Variants in GABRB2 observed in about 807,000 individuals in gnomAD.
GABRB2 encodes gamma-aminobutyric acid type A receptor subunit beta2.
GABRB2 carries 16 observed loss-of-function variants against 54.7 expected under a neutral mutation model. That is an observed-to-expected ratio of 0.29 (90% CI 0.20 to 0.44). The LOEUF is 0.44. Among genes scored for constraint, GABRB2 ranks in the 20% least tolerant of loss-of-function variants. The probability of loss-of-function intolerance (pLI) is 1.00; values close to 1 mark genes in which losing one functional copy is unlikely to be tolerated. For missense variants in GABRB2, 355 were observed against 644.0 expected, an observed-to-expected ratio of 0.55 and a Z score of 4.86; for synonymous variants, 244 against 233.8, an observed-to-expected ratio of 1.04 and a Z score of -0.40.
In GABRB2 at chr5:161,546,665, T is replaced by A; in HGVS notation, c.-22A>T. ...ACATCCCTTTAGTTTTTGATGGAAT[T>A]GAGGGTTTCACTGAAGAGAGGAGAT... On this transcript the variant is annotated 5_prime_UTR_variant, in exon 1 of 10. Transcript: ENST00000393959. 1 of 1,575,678 alleles carries A rather than the reference T, an allele frequency of 6.3e-7. No individual in the cohort carries two copies.
At chr5:161,323,027 C>CTT (rs397882556) in intron 9 of GABRB2, among the ~76,000 whole-genome samples, 42 of 140,954 alleles carry the variant, frequency 3.0e-4, no homozygotes, top group African/African-American at 4.7e-4. Context: ...TTGAAATATA[C>CTT]TTTTTTTTTT....
At chr5:161,353,956 TC>T (rs1754543727) in intron 5 of GABRB2, among the ~76,000 whole-genome samples, 1 of 152,054 alleles carries the variant, frequency 6.6e-6, no homozygotes. Context: ...GGGGCAGTTT[TC>T]CCCAAACTAC....
At chr5:161,417,424 A>C (rs983333244) in intron 4 of GABRB2, among the ~76,000 whole-genome samples, 22 of 152,212 alleles carry the variant, frequency 1.4e-4, no homozygotes, top group Non-Finnish European at 3.2e-4. Flanking sequence ...CAAGAGTCAC[A>C]CGGTGAGTGG....
intron 4 of GABRB2, among the ~76,000 whole-genome samples, chr5:161,417,371 T>G (rs1756708540): frequency 6.6e-6 from 1 of 152,208 alleles, no homozygotes; most frequent in African/African-American, 2.4e-5. Context: ...TCCCATTTTA[T>G]ACATGAGAAA....
intron 5 of GABRB2, among the ~76,000 whole-genome samples, chr5:161,347,510 A>G (rs1438689198): frequency 6.6e-6 from 1 of 152,040 alleles, no homozygotes; most frequent in Admixed American, 6.6e-5. Context: ...TGCCCTTGCT[A>G]CTTGCTTTAA....
chr5:161,516,292 G>A (rs1039001189), intron 3 of GABRB2, among the ~76,000 whole-genome samples: 3 of 152,114 alleles, frequency 2.0e-5, no homozygotes, highest in African/African-American at 7.2e-5. Flanking sequence ...ACTATGCTAA[G>A]GGCTTTATAT....
Position 161,290,853 on chromosome 5 carries a change from T to A in GABRB2, c.*3228A>T, listed in dbSNP as rs1370181779. Reference sequence around the variant, plus strand: ...TACGCATTCCACTGCTCTTTCTTTATGTGTTGTGCTTTTGTAAGCTGACAG... The same window carrying A: ...TACGCATTCCACTGCTCTTTCTTTAAGTGTTGTGCTTTTGTAAGCTGACAG... On this transcript the variant is annotated 3_prime_UTR_variant, in exon 10 of 10. Coordinates refer to ENST00000393959, the MANE Select transcript of GABRB2 (RefSeq NM_001371727.1). The A allele has an allele frequency of 6.6e-6, 1 of 152,606 alleles. No individual in the cohort carries two copies. The highest frequency in any genetic ancestry group is 1.5e-5 in the Non-Finnish European group (1 of 68,002). 9.5% of individuals were successfully genotyped at this position (152,606 alleles called of 1,614,324 possible).
rs76218525 is a variant in GABRB2 at position 161,470,960 on chromosome 5, C to T, written c.238-11116G>A. On this transcript the variant is annotated intron_variant, in intron 3 of 9. Transcript: ENST00000393959. ...CACTAAAGCTTGTTCATGCTTCCTG[C>T]ATGGGTTTTAAATGTTGATTTTAAA... 7.2e-4 allele frequency among the ~76,000 whole-genome samples: 109 copies of T among 152,122 alleles called. 2 individuals are homozygous for T. In the East Asian group the frequency reaches 0.016, roughly 22 times the overall value.
chr5:161,327,078 AC>A, intron 8 of GABRB2: 1 of 564,870 alleles, frequency 1.8e-6, no homozygotes, highest in Non-Finnish European at 2.2e-6. Context: ...ACACACACAA[AC>A]TAGAAGAATG....
At chr5:161,513,808 T>C (rs1373294220) in intron 3 of GABRB2, among the ~76,000 whole-genome samples, 2 of 151,934 alleles carry the variant, frequency 1.3e-5, no homozygotes, top group African/African-American at 2.4e-5. Flanking sequence ...TTTTAAAAAT[T>C]AAAAATAAAA....
chr5:161,496,688 G>T (rs1009335763), intron 3 of GABRB2, among the ~76,000 whole-genome samples: 1 of 151,834 alleles, frequency 6.6e-6, no homozygotes, highest in Admixed American at 6.6e-5. Context: ...AATTTAAAAC[G>T]TATCTTAGGT....
chr5:161,472,072 T>C (rs1758457344), intron 3 of GABRB2, among the ~76,000 whole-genome samples: 1 of 151,920 alleles, frequency 6.6e-6, no homozygotes, highest in Admixed American at 6.6e-5. Context: ...GATCACAGTT[T>C]CTATGAGTAA....
At position 161,542,797 on chromosome 5, in the gene GABRB2, C is replaced by T. The variant is rs538342204; in HGVS notation, c.237+2430G>A. Among the ~76,000 whole-genome samples, 37 of 152,234 alleles carry T rather than the reference C, an allele frequency of 2.4e-4. No individual in the cohort carries two copies. In the South Asian group the frequency reaches 2.9e-3, roughly 12 times the overall value. ...CAATTTTGAAGTTTCATTTAAGTAA[C>T]CAATCAACCATTCTTTCACACCTGA... On this transcript the variant is annotated intron_variant, in intron 3 of 9. Coordinates refer to ENST00000393959, the MANE Select transcript of GABRB2 (RefSeq NM_001371727.1).
chr5:161,366,937 G>C (rs949835260), intron 5 of GABRB2, among the ~76,000 whole-genome samples: 1 of 152,070 alleles, frequency 6.6e-6, no homozygotes. Context: ...AACAGAGAAA[G>C]ACTCCATCTC....
intron 4 of GABRB2, among the ~76,000 whole-genome samples, chr5:161,451,871 G>A (rs767026618): frequency 6.6e-6 from 1 of 152,130 alleles, no homozygotes; most frequent in Non-Finnish European, 1.5e-5. Flanking sequence ...CAAGGTGGTG[G>A]TTATCTCTGT....
chr5:161,386,297 G>A (rs145769641), intron 5 of GABRB2, among the ~76,000 whole-genome samples: 2 of 151,946 alleles, frequency 1.3e-5, no homozygotes, highest in East Asian at 1.9e-4. Context: ...AATAATTTTC[G>A]ATGTCATTCA....
intron 9 of GABRB2, among the ~76,000 whole-genome samples, chr5:161,315,622 C>T (rs1245748759): frequency 6.6e-6 from 1 of 151,870 alleles, no homozygotes; most frequent in Admixed American, 6.6e-5. Flanking sequence ...TCTAATTTAT[C>T]CAGTGTAAGA....
At chr5:161,468,405 C>T (rs1396221086) in intron 3 of GABRB2, among the ~76,000 whole-genome samples, 2 of 152,012 alleles carry the variant, frequency 1.3e-5, no homozygotes, top group Non-Finnish European at 2.9e-5. Flanking sequence ...TTCCTTCAGA[C>T]TTCGTCTTAA....
chr5:161,393,083 T>TA (rs1252816811), intron 5 of GABRB2, among the ~76,000 whole-genome samples: 1 of 151,412 alleles, frequency 6.6e-6, no homozygotes, highest in South Asian at 2.1e-4. Flanking sequence ...ATCTTTTTTT[T>TA]AAAAAATAAA....
Sources: allele counts gnomAD v4.1 joint callset (sites outside exome capture counted in the v4.1 genomes callset), GRCh38; gene constraint gnomAD v4.1.1; transcripts MANE v1.5; gene names NCBI Gene and HGNC (gene_info 2026-07-23, HGNC 2026-07-21).